EYS: variants seen among roughly 807,000 people sequenced by gnomAD.
The protein encoded by EYS is EGF-like photoreceptor maintenance factor.
In EYS, 250 loss-of-function variants were observed where a neutral mutation model predicts 282.1. The observed-to-expected ratio is 0.89, with a 90% CI of 0.80 to 0.98. The LOEUF (loss-of-function observed/expected upper bound fraction) is 0.98, where lower values mean the gene tolerates loss of function less well. EYS is among the 50% of genes least tolerant of loss of function. The pLI is 0.00. For missense variants in EYS, 4,016 were observed against 3,709.0 expected (o/e 1.08, Z -2.15); for synonymous variants, 1,355 against 1,282.9 (o/e 1.06, Z -1.20).
intron 29 of EYS, among the ~76,000 whole-genome samples, chr6:64,334,020 T>C (rs1267143909): frequency 6.6e-6 from 1 of 152,156 alleles, no homozygotes; most frequent in Non-Finnish European, 1.5e-5. Flanking sequence ...CATCGGAAAA[T>C]ACTGTATCGC....
At chr6:65,251,001 T>A (rs1329562761) in intron 12 of EYS, among the ~76,000 whole-genome samples, 2 of 76,392 alleles carry the variant, frequency 2.6e-5, no homozygotes, top group East Asian at 3.5e-4. Flanking sequence ...ATGAAAAAAA[T>A]ATCCGGAAAA....
At chr6:64,839,702 G>T (rs1414790349) in intron 19 of EYS, among the ~76,000 whole-genome samples, 1 of 152,030 alleles carries the variant, frequency 6.6e-6, no homozygotes, top group Non-Finnish European at 1.5e-5. Flanking sequence ...AGATCAAGGT[G>T]CTGACAGGTT....
intron 2 of EYS, among the ~76,000 whole-genome samples, chr6:65,633,492 G>A (rs116178394): frequency 0.017 from 2,545 of 152,208 alleles, 26 homozygotes; most frequent in Non-Finnish European, 0.025. Context: ...AGAGGTAGGC[G>A]AAGTAGGTTT....
At chr6:64,776,189 T>C (rs1218146853) in intron 22 of EYS, among the ~76,000 whole-genome samples, 1 of 152,120 alleles carries the variant, frequency 6.6e-6, no homozygotes. Flanking sequence ...TACTCGGTTG[T>C]TTTAAGCAAA....
At chr6:64,693,211 G>C (rs1770461243) in intron 22 of EYS, among the ~76,000 whole-genome samples, 1 of 151,516 alleles carries the variant, frequency 6.6e-6, no homozygotes, top group East Asian at 1.9e-4. Context: ...TTAATTGAAA[G>C]ACTTAATTTT....
At chr6:65,062,997 T>A (rs541491055) in intron 12 of EYS, among the ~76,000 whole-genome samples, 10 of 151,970 alleles carry the variant, frequency 6.6e-5, no homozygotes, top group Non-Finnish European at 1.2e-4. Context: ...GGAAAATAGT[T>A]GACAAAATAG....
chr6:64,938,578 C>T (rs1768987507), intron 15 of EYS, among the ~76,000 whole-genome samples: 1 of 151,630 alleles, frequency 6.6e-6, no homozygotes, highest in Non-Finnish European at 1.5e-5. Flanking sequence ...AGAAACTACA[C>T]TTCAAGTACG....
At chr6:63,861,446 A>G (rs1017546487) in intron 36 of EYS, among the ~76,000 whole-genome samples, 2 of 152,224 alleles carry the variant, frequency 1.3e-5, no homozygotes, top group African/African-American at 4.8e-5. Flanking sequence ...CCATCAGAAT[A>G]GTTTAAACAG....
At chr6:64,345,382 T>C (rs1771343003) in intron 29 of EYS, among the ~76,000 whole-genome samples, 2 of 152,028 alleles carry the variant, frequency 1.3e-5, no homozygotes, top group Admixed American at 1.3e-4. Flanking sequence ...AACAGAGCCC[T>C]CAGAAATAAT....
At chr6:63,796,127 A>T (rs1254117711) in intron 37 of EYS, among the ~76,000 whole-genome samples, 1 of 152,206 alleles carries the variant, frequency 6.6e-6, no homozygotes, top group Non-Finnish European at 1.5e-5. Flanking sequence ...CTTTCGAGGC[A>T]CACCCGTCCT....
intron 1 of EYS, among the ~76,000 whole-genome samples, chr6:65,683,733 A>C (rs1489892226): frequency 1.3e-5 from 2 of 151,968 alleles, no homozygotes; most frequent in Non-Finnish European, 2.9e-5. Context: ...GTTGGAACTG[A>C]CAAGGATTGA....
intron 35 of EYS, among the ~76,000 whole-genome samples, chr6:63,891,724 G>A (rs1206197348): frequency 1.3e-5 from 2 of 152,144 alleles, no homozygotes; most frequent in African/African-American, 4.8e-5. Context: ...ACTATTGGAA[G>A]TTCTGGCCAG....
intron 31 of EYS, among the ~76,000 whole-genome samples, chr6:64,142,340 A>C (rs994659714): frequency 7.9e-5 from 12 of 151,992 alleles, no homozygotes; most frequent in Admixed American, 6.6e-5. Flanking sequence ...GCAGAAGTGA[A>C]CTATAAGCTG....
intron 33 of EYS, among the ~76,000 whole-genome samples, chr6:64,025,632 C>T (rs1016177125): frequency 6.6e-6 from 1 of 152,110 alleles, no homozygotes; most frequent in Non-Finnish European, 1.5e-5. Flanking sequence ...AATTTTTGCC[C>T]AAAGCTCCGT....
chr6:65,269,899 G>A (rs566153550), intron 12 of EYS, among the ~76,000 whole-genome samples: 3 of 152,126 alleles, frequency 2.0e-5, no homozygotes, highest in Non-Finnish European at 4.4e-5. Flanking sequence ...TGGGTTAGAG[G>A]GAAAGAAATA....
chr6:64,633,203 A>C (rs1767851579), intron 22 of EYS, among the ~76,000 whole-genome samples: 2 of 152,192 alleles, frequency 1.3e-5, no homozygotes, highest in Admixed American at 1.3e-4. Context: ...CCACTTTAAA[A>C]ACTAGAATAT....
intron 8 of EYS, among the ~76,000 whole-genome samples, chr6:65,382,926 T>C (rs932214492): frequency 6.6e-5 from 10 of 152,124 alleles, no homozygotes; most frequent in African/African-American, 2.4e-4. Flanking sequence ...GGGTCAATAC[T>C]TGACATCCTT....
At chr6:64,352,079 C>A (rs1202649714) in intron 29 of EYS, among the ~76,000 whole-genome samples, 1 of 151,408 alleles carries the variant, frequency 6.6e-6, no homozygotes, top group Non-Finnish European at 1.5e-5. Context: ...TCACATGTTT[C>A]TTTAAAACAA....
At chr6:64,987,250 C>T (rs1273745064) in intron 14 of EYS, among the ~76,000 whole-genome samples, 1 of 151,450 alleles carries the variant, frequency 6.6e-6, no homozygotes, top group African/African-American at 2.4e-5. Flanking sequence ...TGCAAGCTTC[C>T]ATGCAGATAA....
Sources: allele counts gnomAD v4.1 joint callset (sites outside exome capture counted in the v4.1 genomes callset), GRCh38; gene constraint gnomAD v4.1.1; transcripts MANE v1.5; gene names NCBI Gene and HGNC (gene_info 2026-07-23, HGNC 2026-07-21).